AGBL4: variants seen among roughly 807,000 people sequenced by gnomAD.
AGBL4 encodes cytosolic carboxypeptidase 6.
Under a neutral mutation model 66.4 loss-of-function variants are expected in AGBL4, and 58 were observed. The ratio of observed to expected loss-of-function variants is 0.87; its 90% CI spans 0.71 to 1.09. The LOEUF is 1.09. Ranked by LOEUF, AGBL4 falls within the 50% of genes least tolerant of loss-of-function variation. AGBL4 has a pLI of 0.00. For synonymous variants in AGBL4, 234 were observed against 222.9 expected, an observed-to-expected ratio of 1.05 and a Z score of -0.44; for missense variants, 579 against 631.0, an observed-to-expected ratio of 0.92 and a Z score of 0.88.
intron 1 of AGBL4, among the ~76,000 whole-genome samples, chr1:49,999,714 T>TA (rs1267947322): frequency 6.6e-6 from 1 of 152,038 alleles, no homozygotes; most frequent in Non-Finnish European, 1.5e-5. Context: ...GGTACTGATA[T>TA]AAAAATAGGT....
intron 6 of AGBL4, chr1:48,818,032 G>C (rs1249544657): frequency 1.4e-6 from 1 of 709,034 alleles, no homozygotes; most frequent in African/African-American, 1.8e-5. Flanking sequence ...CCCGAGATTA[G>C]GTCAAATTCA....
chr1:49,289,370 A>C (rs1272952106), intron 3 of AGBL4, among the ~76,000 whole-genome samples: 1 of 152,226 alleles, frequency 6.6e-6, no homozygotes, highest in South Asian at 2.1e-4. Context: ...CAGAAACAAA[A>C]TATGGAGCAC....
intron 5 of AGBL4, among the ~76,000 whole-genome samples, chr1:48,922,125 C>T (rs889639972): frequency 1.3e-4 from 20 of 152,152 alleles, no homozygotes; most frequent in African/African-American, 4.8e-4. Context: ...GTGTGATTAT[C>T]AACTCTTCTC....
At chr1:49,589,071 A>T (rs921159280) in intron 3 of AGBL4, among the ~76,000 whole-genome samples, 1 of 152,190 alleles carries the variant, frequency 6.6e-6, no homozygotes, top group African/African-American at 2.4e-5. Context: ...AACAATTACC[A>T]GTGAAGGTAG....
intron 3 of AGBL4, among the ~76,000 whole-genome samples, chr1:49,370,624 G>A (rs894604465): frequency 6.6e-6 from 1 of 152,066 alleles, no homozygotes; most frequent in African/African-American, 2.4e-5. Flanking sequence ...CTAGCCAACT[G>A]ACACATAAAT....
At chr1:49,817,896 G>A (rs766266054) in intron 2 of AGBL4, among the ~76,000 whole-genome samples, 18 of 152,058 alleles carry the variant, frequency 1.2e-4, no homozygotes, top group Non-Finnish European at 1.9e-4. Context: ...TGCTTTTTCC[G>A]GGTTTGAGAC....
intron 11 of AGBL4, among the ~76,000 whole-genome samples, chr1:48,554,165 T>C (rs1405591688): frequency 1.3e-5 from 2 of 152,140 alleles, no homozygotes; most frequent in Non-Finnish European, 1.5e-5. Context: ...GGACAGGACA[T>C]GGGGTCCTCT....
intron 4 of AGBL4, among the ~76,000 whole-genome samples, chr1:49,235,519 AG>A (rs1446759967): frequency 2.0e-5 from 3 of 152,200 alleles, no homozygotes; most frequent in African/African-American, 7.2e-5. Flanking sequence ...CAGTCCCATG[AG>A]GGCCCAAGGC....
At chr1:49,581,996 G>A (rs1240271309) in intron 3 of AGBL4, among the ~76,000 whole-genome samples, 2 of 152,156 alleles carry the variant, frequency 1.3e-5, no homozygotes, top group Non-Finnish European at 2.9e-5. Flanking sequence ...GGTTGTATGA[G>A]CTGGTCTCTG....
At chr1:49,189,974 T>C (rs1360686350) in intron 4 of AGBL4, among the ~76,000 whole-genome samples, 1 of 152,178 alleles carries the variant, frequency 6.6e-6, no homozygotes, top group African/African-American at 2.4e-5. Context: ...TAATGCATTC[T>C]TTGTTTTTAT....
intron 3 of AGBL4, among the ~76,000 whole-genome samples, chr1:49,492,488 G>T (rs1441328735): frequency 1.3e-5 from 2 of 151,968 alleles, no homozygotes; most frequent in Non-Finnish European, 2.9e-5. Flanking sequence ...GATAAGGGGG[G>T]ACTACTGTAT....
chr1:49,354,845 A>G (rs941962513), intron 3 of AGBL4, among the ~76,000 whole-genome samples: 3 of 152,230 alleles, frequency 2.0e-5, no homozygotes, highest in Non-Finnish European at 2.9e-5. Context: ...CATTAATTTT[A>G]AAAAGACAAT....
At chr1:49,934,010 GATTT>G (rs1653656744) in intron 1 of AGBL4, among the ~76,000 whole-genome samples, 1 of 152,070 alleles carries the variant, frequency 6.6e-6, no homozygotes, top group Non-Finnish European at 1.5e-5. Flanking sequence ...GTCTACAAAA[GATTT>G]ATTTTATTTT....
intron 12 of AGBL4, among the ~76,000 whole-genome samples, chr1:48,538,346 T>A (rs1419878216): frequency 6.6e-6 from 1 of 152,186 alleles, no homozygotes; most frequent in Admixed American, 6.5e-5. Context: ...CTGGGCACTA[T>A]ACTAAGCTTG....
At chr1:49,777,367 G>A (rs1285682727) in intron 2 of AGBL4, among the ~76,000 whole-genome samples, 2 of 152,094 alleles carry the variant, frequency 1.3e-5, no homozygotes, top group African/African-American at 2.4e-5. Flanking sequence ...ATTGATTCAT[G>A]TTTTGTAATC....
chr1:48,901,289 A>C (rs984582131), intron 5 of AGBL4, among the ~76,000 whole-genome samples: 1 of 152,210 alleles, frequency 6.6e-6, no homozygotes, highest in Non-Finnish European at 1.5e-5. Context: ...TAGCACAGCC[A>C]CCTTGGAATG....
chr1:49,270,710 C>T (rs1448683481), intron 3 of AGBL4, among the ~76,000 whole-genome samples: 1 of 152,110 alleles, frequency 6.6e-6, no homozygotes, highest in Non-Finnish European at 1.5e-5. Flanking sequence ...TAGAAAATTA[C>T]ATCCTGGGCT....
At position 49,725,579 on chromosome 1, in the gene AGBL4, T is replaced by G. The variant is rs903259196; in HGVS notation, c.158-28142A>C. ...ATATTCAACATGTCTCTCATATACC[T>G]GTTCTTATGGCAAATCACCAGCATG... On this transcript the variant is annotated intron_variant, in intron 2 of 13. Transcript: ENST00000371839. 7.2e-5 allele frequency among the ~76,000 whole-genome samples: 11 copies of G among 152,076 alleles called. 1 individual carries two copies. Among genetic ancestry groups the G allele is most frequent in the African/African-American group, 2.7e-4 (11 of 41,408 alleles).
chr1:48,742,912 G>C, intron 6 of AGBL4: 1 of 754,844 alleles, frequency 1.3e-6, no homozygotes, highest in Non-Finnish European at 1.9e-6. Flanking sequence ...CTTAAACCCA[G>C]ACTCGAAAAT....
Sources: allele counts gnomAD v4.1 joint callset (sites outside exome capture counted in the v4.1 genomes callset), GRCh38; gene constraint gnomAD v4.1.1; transcripts MANE v1.5; gene names NCBI Gene and HGNC (gene_info 2026-07-23, HGNC 2026-07-21).